Variants in SHANK2 observed in about 807,000 individuals in gnomAD.
The protein encoded by SHANK2 is SH3 and multiple ankyrin repeat domains 2.
A neutral mutation model predicts 133.7 loss-of-function variants in SHANK2; 43 were observed. That is an observed-to-expected ratio of 0.32 (90% CI 0.25 to 0.41). SHANK2 has a LOEUF of 0.41. SHANK2 is among the 10% of genes least tolerant of loss of function. The pLI is 1.00. For missense variants in SHANK2, 1,994 were observed against 2,235.8 expected (o/e 0.89, Z 2.18); for synonymous variants, 1,017 against 952.8 (o/e 1.07, Z -1.24).
intron 14 of SHANK2, among the ~76,000 whole-genome samples, chr11:70,753,182 A>AC (rs1216580269): frequency 2.6e-5 from 4 of 151,880 alleles, no homozygotes; most frequent in Admixed American, 1.3e-4. Context: ...TTAAAAAAAA[A>AC]AAAACAAAAA....
At chr11:70,873,319 G>C (rs564161034) in intron 11 of SHANK2, among the ~76,000 whole-genome samples, 1 of 152,360 alleles carries the variant, frequency 6.6e-6, no homozygotes, top group African/African-American at 2.4e-5. Context: ...TGACAAGGTC[G>C]AGACTTGCAG....
intron 17 of SHANK2, among the ~76,000 whole-genome samples, chr11:70,518,538 A>T (rs1490573848): frequency 3.3e-5 from 5 of 152,216 alleles, no homozygotes; most frequent in African/African-American, 9.6e-5. Flanking sequence ...AAGCCTTTTT[A>T]CATCTCTAGG....
At chr11:70,524,225 A>G (rs114728489) in intron 17 of SHANK2, among the ~76,000 whole-genome samples, 9,418 of 152,120 alleles carry the variant, frequency 0.062, 620 homozygotes, top group African/African-American at 0.17. Flanking sequence ...GAGCAGTCCC[A>G]CCCCCTGGGG....
intron 17 of SHANK2, among the ~76,000 whole-genome samples, chr11:70,582,018 C>G (rs540575779): frequency 6.6e-6 from 1 of 152,350 alleles, no homozygotes; most frequent in Admixed American, 6.5e-5. Flanking sequence ...CCCCTAGGAG[C>G]TGCTGGTCAA....
intron 17 of SHANK2, among the ~76,000 whole-genome samples, chr11:70,555,771 AATT>A (rs2059821413): frequency 1.3e-5 from 2 of 152,200 alleles, no homozygotes; most frequent in African/African-American, 4.8e-5. Flanking sequence ...TGAACATACA[AATT>A]ATCAGAAAGT....
chr11:70,622,146 C>T (rs969594238), intron 17 of SHANK2, among the ~76,000 whole-genome samples: 1 of 152,172 alleles, frequency 6.6e-6, no homozygotes, highest in Non-Finnish European at 1.5e-5. Flanking sequence ...AACCACTCCT[C>T]GGCTCCTTCT....
rs145025451 is a variant in SHANK2, at chr11:71,175,539, G to C, written c.-12-28201C>G. 3.9e-3 allele frequency among the ~76,000 whole-genome samples: 313 copies of C among 79,696 alleles called. No individual in the cohort carries two copies. Among genetic ancestry groups the C allele is most frequent in the African/African-American group, 0.017 (307 of 18,436 alleles). The allele number at this position is 79,696 out of a possible 152,430, so 52.3% of individuals were successfully genotyped here. On this transcript the variant is annotated intron_variant, in intron 2 of 25. Coordinates refer to ENST00000601538, the MANE Select transcript of SHANK2 (RefSeq NM_012309.5). The surrounding 1 kb of genome is among the most constrained non-coding windows in gnomAD (Gnocchi z 4.2). ...GAAACAGACAGACAGACAGACAGAG[G>C]GAGAGGGAGAGGGAGAGAGAGAGAG...
In SHANK2 at chr11:71,113,360, C is replaced by T. The variant is rs1951923525; in HGVS notation, c.416G>A (p.Arg139Gln). 37 of 1,551,434 alleles carry T rather than the reference C, an allele frequency of 2.4e-5. No homozygotes were observed. The highest frequency in any genetic ancestry group is 3.9e-5 in the Admixed American group (2 of 50,980). ...VGEGVPSLEF[R>Q]YKKRVYKQAS... The stretch of plus-strand genomic sequence containing the variant: ...TTGTTTATACACCCGCTTCTTGTAT[C>T]GAAACTGGCACAGAAAACAAAAAAG... Residue 139 changes from arginine to glutamine, a missense_variant, in exon 5 of 26, where the codon CGA becomes CAA. By Grantham distance (43) the Arg-to-Gln change is conservative. Transcript: ENST00000601538.
At chr11:70,745,041 G>A (rs556705586) in intron 14 of SHANK2, among the ~76,000 whole-genome samples, 51 of 152,222 alleles carry the variant, frequency 3.4e-4, no homozygotes, top group Non-Finnish European at 6.2e-4. Context: ...AGGAAGCCAA[G>A]CAAACCTCTC....
In SHANK2 at chr11:70,904,798, G is replaced by A. The variant is rs144418719; in HGVS notation, c.1108-8231C>T. Among the ~76,000 whole-genome samples, 130 of 152,256 alleles carry A rather than the reference G, an allele frequency of 8.5e-4. 1 individual carries two copies. In the East Asian group the frequency reaches 0.022, roughly 26 times the overall value. On this transcript the variant is annotated intron_variant, in intron 10 of 25. Coordinates refer to ENST00000601538, the MANE Select transcript of SHANK2 (RefSeq NM_012309.5). Reference sequence around the variant, plus strand: ...GCTGGGAGTACAGGCATGAGCCATCGTGCCCAGTCAATCCGATCGTTTTAA... The same window carrying A: ...GCTGGGAGTACAGGCATGAGCCATCATGCCCAGTCAATCCGATCGTTTTAA...
chr11:70,812,899 A>G (rs1948308728), intron 12 of SHANK2, among the ~76,000 whole-genome samples: 2 of 152,164 alleles, frequency 1.3e-5, no homozygotes. Context: ...AAATGAAAAA[A>G]TTGGTAATCT....
chr11:70,856,586 A>G (rs1949175871), intron 11 of SHANK2, among the ~76,000 whole-genome samples: 1 of 151,994 alleles, frequency 6.6e-6, no homozygotes, highest in South Asian at 2.1e-4. Flanking sequence ...GTAGATAGAT[A>G]TATTAGTTGT....
chr11:70,919,148 C>T (rs905287208), intron 10 of SHANK2, among the ~76,000 whole-genome samples: 1 of 152,108 alleles, frequency 6.6e-6, no homozygotes, highest in Non-Finnish European at 1.5e-5. Flanking sequence ...CAGGCAACAA[C>T]AGAGCAAGAC....
At chr11:70,775,426 A>G (rs1947341519) in intron 14 of SHANK2, among the ~76,000 whole-genome samples, 1 of 152,236 alleles carries the variant, frequency 6.6e-6, no homozygotes, top group Non-Finnish European at 1.5e-5. Context: ...ATTGTACTCC[A>G]GCCTGGGTGA....
chr11:71,209,902 C>G (rs1274604705), intron 2 of SHANK2, among the ~76,000 whole-genome samples: 1 of 152,166 alleles, frequency 6.6e-6, no homozygotes, highest in African/African-American at 2.4e-5. Context: ...CCATTCTTCA[C>G]AAGACTCATC....
At chr11:70,496,894 C>T (rs763681568) in intron 21 of SHANK2, 8 of 451,752 alleles carry the variant, frequency 1.8e-5, no homozygotes, top group East Asian at 7.0e-5. Context: ...TCATCACAGT[C>T]GCCACATCAG....
At chr11:70,904,576 C>T (rs537703774) in intron 10 of SHANK2, among the ~76,000 whole-genome samples, 24 of 150,288 alleles carry the variant, frequency 1.6e-4, no homozygotes, top group Non-Finnish European at 2.8e-4. Context: ...GGTACAATCT[C>T]AGCTCACTGC....
intron 10 of SHANK2, among the ~76,000 whole-genome samples, chr11:70,941,612 G>A (rs1261475737): frequency 3.3e-5 from 5 of 152,076 alleles, no homozygotes; most frequent in Admixed American, 2.6e-4. Flanking sequence ...GGGGCCCCAC[G>A]ATAGGATTCG....
chr11:70,722,094 C>G (rs1225699233), intron 14 of SHANK2, among the ~76,000 whole-genome samples: 1 of 152,228 alleles, frequency 6.6e-6, no homozygotes, highest in Admixed American at 6.5e-5. Flanking sequence ...CCCGCTTTGT[C>G]ATGCCATCCT....
Sources: allele counts gnomAD v4.1 joint callset (sites outside exome capture counted in the v4.1 genomes callset), GRCh38; gene constraint gnomAD v4.1.1; non-coding constraint Gnocchi (gnomAD v3.1); transcripts MANE v1.5; gene names NCBI Gene and HGNC (gene_info 2026-07-23, HGNC 2026-07-21).